Variants in PRKG1 observed in about 807,000 individuals in gnomAD.
PRKG1 encodes protein kinase cGMP-dependent 1.
A neutral mutation model predicts 88.1 loss-of-function variants in PRKG1; 35 were observed. The ratio of observed to expected loss-of-function variants is 0.40; its 90% CI spans 0.30 to 0.53. The LOEUF (loss-of-function observed/expected upper bound fraction) is 0.53. Among genes scored for constraint, PRKG1 ranks in the 20% least tolerant of loss-of-function variants. PRKG1 has a pLI of 0.59. For synonymous variants in PRKG1, 303 were observed against 292.5 expected (o/e 1.04, Z -0.37); for missense variants, 540 against 839.8 (o/e 0.64, Z 4.41).
chr10:51,455,142 C>G (rs1340506419), intron 2 of PRKG1, among the ~76,000 whole-genome samples: 1 of 152,250 alleles, frequency 6.6e-6, no homozygotes, highest in Non-Finnish European at 1.5e-5. Flanking sequence ...AGGCTTGGGG[C>G]TTGCACCCTC....
At chr10:51,406,925 G>A (rs1837936394) in intron 2 of PRKG1, among the ~76,000 whole-genome samples, 1 of 152,144 alleles carries the variant, frequency 6.6e-6, no homozygotes, top group Admixed American at 6.5e-5. Flanking sequence ...GAGCAAGGAG[G>A]ACCAGTCCGA....
At chr10:51,412,861 A>G (rs968538615) in intron 2 of PRKG1, among the ~76,000 whole-genome samples, 1 of 152,064 alleles carries the variant, frequency 6.6e-6, no homozygotes, top group African/African-American at 2.4e-5. Context: ...TCTTTTGTTA[A>G]GTGTAGGTGG....
intron 2 of PRKG1, among the ~76,000 whole-genome samples, chr10:51,318,450 A>C (rs1468719505): frequency 2.0e-5 from 3 of 152,230 alleles, no homozygotes; most frequent in African/African-American, 7.2e-5. Context: ...TAGTATCATT[A>C]TATGACACAT....
chr10:52,155,734 CA>C (rs1162460497), intron 8 of PRKG1, among the ~76,000 whole-genome samples: 2 of 150,364 alleles, frequency 1.3e-5, no homozygotes, highest in Non-Finnish European at 3.0e-5. Flanking sequence ...TGCCATTGGA[CA>C]CACACACACA....
chr10:51,937,566 G>T (rs1283923323), intron 5 of PRKG1, among the ~76,000 whole-genome samples: 1 of 152,064 alleles, frequency 6.6e-6, no homozygotes, highest in African/African-American at 2.4e-5. Flanking sequence ...CATACCATCT[G>T]TATTCAAAGA....
At chr10:51,949,169 G>T (rs114104525) in intron 5 of PRKG1, among the ~76,000 whole-genome samples, 1 of 152,064 alleles carries the variant, frequency 6.6e-6, no homozygotes, top group African/African-American at 2.4e-5. Flanking sequence ...AAACACTTAA[G>T]AAATATTTAA....
chr10:51,196,864 A>T (rs992143779), intron 2 of PRKG1, among the ~76,000 whole-genome samples: 8 of 152,242 alleles, frequency 5.3e-5, no homozygotes, highest in African/African-American at 1.9e-4. Context: ...TTTTATCCTC[A>T]AATTGTTTCA....
chr10:51,099,235 A>C (rs1175942403), intron 1 of PRKG1, among the ~76,000 whole-genome samples: 2 of 152,158 alleles, frequency 1.3e-5, no homozygotes, highest in African/African-American at 4.8e-5. Flanking sequence ...CCTAAGGAAG[A>C]ACACCCTGGA....
exon 1 of PRKG1, chr10:50,990,956 C>A (rs1252089475): frequency 6.1e-6 from 1 of 163,592 alleles, no homozygotes; most frequent in African/African-American, 2.5e-5. Flanking sequence ...GCTCTCTGAT[C>A]CAACCCTCTG....
intron 4 of PRKG1, among the ~76,000 whole-genome samples, chr10:51,898,942 A>G (rs1006592835): frequency 6.6e-6 from 1 of 152,234 alleles, no homozygotes; most frequent in African/African-American, 2.4e-5. Flanking sequence ...TACAAAACAG[A>G]AAGTTTGAAA....
chr10:51,274,669 CT>C (rs2132184914), intron 2 of PRKG1, among the ~76,000 whole-genome samples: 1 of 152,298 alleles, frequency 6.6e-6, no homozygotes, highest in East Asian at 1.9e-4. Context: ...AGCAGGGCTG[CT>C]CTTCTTCATG....
chr10:51,852,426 C>T (rs1589356522), intron 4 of PRKG1, among the ~76,000 whole-genome samples: 1 of 151,360 alleles, frequency 6.6e-6, no homozygotes, highest in East Asian at 1.9e-4. Flanking sequence ...TAACAGAATG[C>T]TGTTGCAGCT....
chr10:51,178,367 G>A (rs1837253388), intron 2 of PRKG1, among the ~76,000 whole-genome samples: 4 of 152,042 alleles, frequency 2.6e-5, no homozygotes, highest in African/African-American at 7.2e-5. Flanking sequence ...GGCTGGGCGC[G>A]GTGGCTCACA....
intron 3 of PRKG1, among the ~76,000 whole-genome samples, chr10:51,801,862 G>A (rs1232746107): frequency 6.6e-6 from 1 of 152,100 alleles, no homozygotes; most frequent in Non-Finnish European, 1.5e-5. Context: ...ATCTTAACCT[G>A]AGAAAATGAT....
intron 5 of PRKG1, among the ~76,000 whole-genome samples, chr10:51,981,107 T>G (rs1843997364): frequency 6.6e-6 from 1 of 152,166 alleles, no homozygotes; most frequent in Non-Finnish European, 1.5e-5. Context: ...TGTGTGTGTG[T>G]TTTTTAGTGG....
At chr10:51,947,277 A>G (rs769736106) in intron 5 of PRKG1, among the ~76,000 whole-genome samples, 1 of 152,002 alleles carries the variant, frequency 6.6e-6, no homozygotes, top group Non-Finnish European at 1.5e-5. Context: ...CAGGTGTGGG[A>G]TATAATCTCC....
At chr10:51,874,030 T>C (rs1269023058) in intron 4 of PRKG1, among the ~76,000 whole-genome samples, 3 of 152,340 alleles carry the variant, frequency 2.0e-5, no homozygotes, top group East Asian at 3.9e-4. Flanking sequence ...TTTTAGCTAC[T>C]TGATGGAAAA....
chr10:51,411,493 G>A (rs1445236046), intron 2 of PRKG1, among the ~76,000 whole-genome samples: 3 of 152,194 alleles, frequency 2.0e-5, no homozygotes, highest in African/African-American at 7.2e-5. Flanking sequence ...ATTTGTATGT[G>A]CATCTGCCCG....
At chr10:51,420,043 G>A (rs1429181626) in intron 2 of PRKG1, among the ~76,000 whole-genome samples, 2 of 152,100 alleles carry the variant, frequency 1.3e-5, no homozygotes, top group Admixed American at 6.6e-5. Context: ...ATGTTGGGGG[G>A]CAGGTCTGGA....
Sources: allele counts gnomAD v4.1 joint callset (sites outside exome capture counted in the v4.1 genomes callset), GRCh38; gene constraint gnomAD v4.1.1; transcripts MANE v1.5; gene names NCBI Gene and HGNC (gene_info 2026-07-23, HGNC 2026-07-21).